Variants in APLF observed in about 807,000 individuals in gnomAD.
APLF encodes aprataxin and PNK-like factor.
APLF carries 61 observed loss-of-function variants against 55.6 expected under a neutral mutation model. That is an observed-to-expected ratio of 1.10 (90% CI 0.89 to 1.36). The LOEUF is 1.36. APLF is among the 40% of genes most tolerant of loss of function. APLF has a pLI of 0.00. For missense variants in APLF, 611 were observed against 602.5 expected (o/e 1.01, Z -0.15); for synonymous variants, 207 against 214.8 (o/e 0.96, Z 0.32).
At chr2:68,523,191 G>T (rs1377671373) in intron 5 of APLF, among the ~76,000 whole-genome samples, 1 of 151,876 alleles carries the variant, frequency 6.6e-6, no homozygotes, top group African/African-American at 2.4e-5. Context: ...ACATACTACA[G>T]AATAATAAAT....
chr2:68,562,975 A>T, intron 8 of APLF: 1 of 615,942 alleles, frequency 1.6e-6, no homozygotes, highest in Non-Finnish European at 2.0e-6. Context: ...AGTTCTGTTT[A>T]CCATCAAAGA....
At chr2:68,489,518 G>A (rs1375031470) in intron 1 of APLF, among the ~76,000 whole-genome samples, 1 of 152,222 alleles carries the variant, frequency 6.6e-6, no homozygotes, top group South Asian at 2.1e-4. Flanking sequence ...TTGAACTTTG[G>A]TATGTGGAAA....
chr2:68,484,553 A>G (rs145668219), intron 1 of APLF, among the ~76,000 whole-genome samples: 2,077 of 152,140 alleles, frequency 0.014, 52 homozygotes, highest in African/African-American at 0.046. Context: ...TTAGCCGGAC[A>G]TGGTGGCGCA....
Position 68,518,807 on chromosome 2 carries a change from T to TTAG in APLF, c.622+5127_622+5128insTAG, listed in dbSNP as rs1295334902. Reference sequence around the variant, plus strand: ...ATAATAAAATATTAATAATCTATCATATAATAAAATATTAGTAATATATCA... The same window carrying TTAG: ...ATAATAAAATATTAATAATCTATCATTAGATAATAAAATATTAGTAATATATCA... On this transcript the variant is annotated intron_variant, in intron 5 of 9. Transcript: ENST00000303795. Among the ~76,000 whole-genome samples, 5 of 123,462 alleles carry TTAG rather than the reference T, an allele frequency of 4.0e-5. No individual in the cohort carries two copies. The South Asian group carries it at 7.2e-4, about 18-fold the overall frequency. The allele number at this position is 123,462 out of a possible 152,430, so 81.0% of individuals were successfully genotyped here. A position where few individuals can be genotyped will look rare whatever the true frequency, so the allele number is the denominator to read the frequency against.
At chr2:68,469,014 GTGTGTGT>G (rs1553366880) in intron 1 of APLF, among the ~76,000 whole-genome samples, 2,617 of 147,438 alleles carry the variant, frequency 0.018, 84 homozygotes, top group African/African-American at 0.063. Context: ...GTGTGTGTGT[GTGTGTGT>G]TGTGTGTTGT....
At chr2:68,517,859 G>T (rs1669674235) in intron 5 of APLF, among the ~76,000 whole-genome samples, 2 of 142,382 alleles carry the variant, frequency 1.4e-5, no homozygotes, top group South Asian at 4.5e-4. Context: ...ACTAATATGT[G>T]TTAATATATA....
At chr2:68,496,865 T>C (rs1313611017) in intron 2 of APLF, among the ~76,000 whole-genome samples, 4 of 152,364 alleles carry the variant, frequency 2.6e-5, no homozygotes, top group East Asian at 3.9e-4. Flanking sequence ...ACAAATTTGC[T>C]GATCGTTTGG....
intron 1 of APLF, among the ~76,000 whole-genome samples, chr2:68,471,350 G>T (rs1051576895): frequency 6.6e-6 from 1 of 152,192 alleles, no homozygotes; most frequent in Non-Finnish European, 1.5e-5. Context: ...CTAAATTCAG[G>T]AAATAGCTGA....
At chr2:68,495,389 C>T (rs71413135) in intron 2 of APLF, among the ~76,000 whole-genome samples, 12,353 of 152,232 alleles carry the variant, frequency 0.081, 546 homozygotes, top group Middle Eastern at 0.12. Flanking sequence ...GTTCAAAACC[C>T]ATTAGGGCAG....
chr2:68,499,321 A>G (rs1168715953), intron 2 of APLF, among the ~76,000 whole-genome samples: 2 of 152,180 alleles, frequency 1.3e-5, no homozygotes, highest in African/African-American at 2.4e-5. Flanking sequence ...GGGTTTGCCA[A>G]TATTTTGCCT....
chr2:68,491,118 A>T (rs573675213), intron 2 of APLF, among the ~76,000 whole-genome samples: 11 of 152,354 alleles, frequency 7.2e-5, no homozygotes, highest in African/African-American at 2.6e-4. Flanking sequence ...ATAAAAAATT[A>T]TTCAATGTAT....
intron 8 of APLF, among the ~76,000 whole-genome samples, chr2:68,557,622 T>G (rs1430461929): frequency 6.6e-6 from 1 of 152,144 alleles, no homozygotes; most frequent in Non-Finnish European, 1.5e-5. Flanking sequence ...TTAAGAATAG[T>G]CAAAGTTGGC....
intron 6 of APLF, chr2:68,535,243 T>C (rs1332526392): frequency 5.1e-6 from 2 of 389,704 alleles, no homozygotes; most frequent in Admixed American, 7.7e-5. Flanking sequence ...TATTTCATTT[T>C]CATTGGCTTA....
At chr2:68,513,526 T>A (rs1669472318) in intron 4 of APLF, 22 bp from the exon 5 acceptor site, 4 of 1,602,556 alleles carry the variant, frequency 2.5e-6, no homozygotes, top group Non-Finnish European at 3.4e-6. Context: ...TTATTTTTAG[T>A]AATTTATAGG....
intron 9 of APLF, chr2:68,568,330 A>C (rs1671362872): frequency 5.1e-6 from 5 of 984,292 alleles, no homozygotes; most frequent in Non-Finnish European, 6.0e-6. Flanking sequence ...ATGTGCATAC[A>C]AACAGCTGAC....
At position 68,545,302 on chromosome 2, in the gene APLF, T is replaced by C. The variant is rs75548849; in HGVS notation, c.1276T>C (p.Ser426Pro). 2,694 of 1,613,310 alleles carry C rather than the reference T, an allele frequency of 1.7e-3. 39 individuals are homozygous for C. In the African/African-American group the frequency reaches 0.033, roughly 20 times the overall value. The change falls in exon 8 of 10, where the codon TCC becomes CCC. Residue 426 changes from serine (S) to proline (P), a missense_variant. Transcript: ENST00000303795. ...DDRPECPYGP[S>P]CYRKNPQHKI... ...CCGGCCTGAATGTCCCTATGGACCA[T>C]CCTGTTATAGGTATAGAAACTGAAT...
intron 9 of APLF, among the ~76,000 whole-genome samples, chr2:68,576,425 G>A (rs1288557106): frequency 6.6e-6 from 1 of 152,084 alleles, no homozygotes; most frequent in East Asian, 1.9e-4. Flanking sequence ...TTAAGGAACT[G>A]GTGAGCTTCC....
chr2:68,494,277 CAAA>C (rs59466460), intron 2 of APLF, among the ~76,000 whole-genome samples: 423 of 49,512 alleles, frequency 8.5e-3, no homozygotes, highest in African/African-American at 0.025. Context: ...GACCCCGTCT[CAAA>C]AAAAAAAAAA....
intron 8 of APLF, among the ~76,000 whole-genome samples, chr2:68,546,976 A>G (rs1318565028): frequency 6.6e-6 from 1 of 151,878 alleles, no homozygotes; most frequent in Admixed American, 6.6e-5. Context: ...AGATGGTATT[A>G]TTGTATATGC....
Sources: allele counts gnomAD v4.1 joint callset (sites outside exome capture counted in the v4.1 genomes callset), GRCh38; gene constraint gnomAD v4.1.1; transcripts MANE v1.5; gene names NCBI Gene and HGNC (gene_info 2026-07-23, HGNC 2026-07-21).